Variants in KCNN2 observed in about 807,000 individuals in gnomAD.
The protein encoded by KCNN2 is potassium calcium-activated channel subfamily N member 2.
A neutral mutation model predicts 55.5 loss-of-function variants in KCNN2; 24 were observed. That is an observed-to-expected ratio of 0.43 (90% CI 0.31 to 0.61). The LOEUF (loss-of-function observed/expected upper bound fraction) is 0.61. Among genes scored for constraint, KCNN2 ranks in the 20% least tolerant of loss-of-function variants. KCNN2 has a pLI of 0.08. For synonymous variants in KCNN2, 431 were observed against 336.1 expected (o/e 1.28, Z -3.09); for missense variants, 754 against 853.6 (o/e 0.88, Z 1.45).
intron 2 of KCNN2, among the ~76,000 whole-genome samples, chr5:114,340,402 G>A (rs2150036275): frequency 6.6e-6 from 1 of 152,146 alleles, no homozygotes; most frequent in East Asian, 1.9e-4. Flanking sequence ...TAAAGTATAT[G>A]TGTATATATA....
At chr5:114,334,994 G>C (rs900718744) in intron 2 of KCNN2, among the ~76,000 whole-genome samples, 2 of 152,016 alleles carry the variant, frequency 1.3e-5, no homozygotes, top group Non-Finnish European at 2.9e-5. Context: ...CGCGATCTTG[G>C]CTCACTGCAA....
chr5:114,371,170 T>C (rs942450664), intron 2 of KCNN2, among the ~76,000 whole-genome samples: 30 of 152,156 alleles, frequency 2.0e-4, no homozygotes, highest in African/African-American at 7.2e-4. Flanking sequence ...AAGACTCAAA[T>C]TGAGGAGCAG....
At chr5:114,418,301 G>A (rs1045560874) in intron 3 of KCNN2, among the ~76,000 whole-genome samples, 3 of 152,172 alleles carry the variant, frequency 2.0e-5, no homozygotes, top group Non-Finnish European at 4.4e-5. Context: ...CTGAATATCT[G>A]AAAGACTGCA....
intron 2 of KCNN2, among the ~76,000 whole-genome samples, chr5:114,356,119 G>A (rs1757289797): frequency 6.6e-6 from 1 of 152,110 alleles, no homozygotes; most frequent in Non-Finnish European, 1.5e-5. Flanking sequence ...GTGTAAAACA[G>A]ACCCACAGAA....
At chr5:114,484,755 G>T (rs11738819) in intron 5 of KCNN2, among the ~76,000 whole-genome samples, 33,262 of 152,104 alleles carry the variant, frequency 0.22, 4,102 homozygotes, top group Non-Finnish European at 0.28. Context: ...GCCTTAGGAG[G>T]TTTGTTCCTG....
chr5:114,229,724 T>G (rs1201989285), intron 2 of KCNN2, among the ~76,000 whole-genome samples: 2 of 142,652 alleles, frequency 1.4e-5, no homozygotes, highest in Non-Finnish European at 3.0e-5. Context: ...TGTTCAGGTT[T>G]AATTATTGGG....
chr5:114,278,505 C>T (rs568188098), intron 2 of KCNN2, among the ~76,000 whole-genome samples: 1 of 152,256 alleles, frequency 6.6e-6, no homozygotes, highest in Non-Finnish European at 1.5e-5. Context: ...GTGGGCTCCG[C>T]CCAGTTCAAG....
intron 2 of KCNN2, among the ~76,000 whole-genome samples, chr5:114,229,182 T>C (rs1370016092): frequency 6.6e-6 from 1 of 151,870 alleles, no homozygotes; most frequent in African/African-American, 2.4e-5. Context: ...TTCAGTTTCA[T>C]AGAGAGTCAT....
At chr5:114,296,933 G>C (rs1382190076) in intron 2 of KCNN2, among the ~76,000 whole-genome samples, 1 of 152,036 alleles carries the variant, frequency 6.6e-6, no homozygotes, top group Non-Finnish European at 1.5e-5. Flanking sequence ...CTATTTATAT[G>C]CAGCCTTGGC....
intron 1 of KCNN2, among the ~76,000 whole-genome samples, chr5:114,120,894 A>T (rs945675681): frequency 6.6e-6 from 1 of 152,226 alleles, no homozygotes; most frequent in African/African-American, 2.4e-5. Flanking sequence ...GATCCTGAGC[A>T]TGGCATACTT....
At chr5:114,430,560 T>A (rs1243100242) in intron 3 of KCNN2, among the ~76,000 whole-genome samples, 2 of 152,104 alleles carry the variant, frequency 1.3e-5, no homozygotes, top group Non-Finnish European at 2.9e-5. Flanking sequence ...GATGGTTTTA[T>A]TTCTCCCTTC....
chr5:114,428,031 C>T (rs1759680370), intron 3 of KCNN2, among the ~76,000 whole-genome samples: 1 of 152,092 alleles, frequency 6.6e-6, no homozygotes. Flanking sequence ...GCTGTAATAC[C>T]TCGGGCCTGT....
rs772481550 is a variant in KCNN2, at chr5:114,473,179, A to G, written c.1890+15A>G. The G allele has an allele frequency of 4.3e-6, 6 of 1,400,882 alleles. No individual in the cohort carries two copies. The Admixed American group carries it at 8.6e-5, about 20-fold the overall frequency. 86.8% of individuals were successfully genotyped at this position (1,400,882 alleles called of 1,614,324 possible). A position where few individuals can be genotyped will look rare whatever the true frequency, so the allele number is the denominator to read the frequency against. Reference sequence around the variant, plus strand: ...TGACTAAAAGAGTAAGTTACTATCCATATATCTTCAAAGAGAATATTATTG... The same window carrying G: ...TGACTAAAAGAGTAAGTTACTATCCGTATATCTTCAAAGAGAATATTATTG... On this transcript the variant is annotated intron_variant, in intron 5 of 7. Transcript: ENST00000673685.
intron 4 of KCNN2, among the ~76,000 whole-genome samples, chr5:114,464,103 G>C (rs531120452): frequency 6.6e-6 from 1 of 152,224 alleles, no homozygotes; most frequent in East Asian, 1.9e-4. Flanking sequence ...TGCCTCATAG[G>C]CTCAGACATC....
At chr5:114,186,399 A>G (rs1753336027) in intron 1 of KCNN2, among the ~76,000 whole-genome samples, 1 of 152,216 alleles carries the variant, frequency 6.6e-6, no homozygotes, top group Non-Finnish European at 1.5e-5. Flanking sequence ...TAACTGATAG[A>G]AAAATGAGGT....
At chr5:114,381,239 T>C (rs907160750) in intron 2 of KCNN2, among the ~76,000 whole-genome samples, 1 of 152,214 alleles carries the variant, frequency 6.6e-6, no homozygotes, top group Non-Finnish European at 1.5e-5. Flanking sequence ...CTTTTAACAC[T>C]AGTTGTGTTG....
intron 2 of KCNN2, among the ~76,000 whole-genome samples, chr5:114,258,770 A>G (rs921747697): frequency 6.6e-6 from 1 of 152,134 alleles, no homozygotes; most frequent in Non-Finnish European, 1.5e-5. Context: ...GAGAGCTGTA[A>G]AAGACACAGT....
intron 3 of KCNN2, among the ~76,000 whole-genome samples, chr5:114,441,187 A>G (rs1319806615): frequency 6.6e-6 from 1 of 152,214 alleles, no homozygotes; most frequent in Non-Finnish European, 1.5e-5. Context: ...GCCTCAAAAT[A>G]TATAAAATAA....
chr5:114,153,435 T>C (rs72797658), intron 1 of KCNN2, among the ~76,000 whole-genome samples: 38,477 of 152,108 alleles, frequency 0.25, 5,564 homozygotes, highest in Non-Finnish European at 0.33. Context: ...TTTACCCTAC[T>C]TATAAGCATA....
Sources: gnomAD v4.1 joint callset for allele counts (sites outside exome capture counted in the v4.1 genomes callset) on GRCh38, gnomAD v4.1.1 for gene constraint, MANE v1.5 for transcripts, NCBI Gene and HGNC (gene_info 2026-07-23, HGNC 2026-07-21) for gene names.